ADGRL3: variants seen among roughly 807,000 people sequenced by gnomAD.
ADGRL3 encodes calcium-independent alpha-latrotoxin receptor 3.
ADGRL3 carries 62 observed loss-of-function variants against 153.5 expected under a neutral mutation model. That is an observed-to-expected ratio of 0.40 (90% CI 0.33 to 0.50). The LOEUF (loss-of-function observed/expected upper bound fraction) is 0.50. Among genes scored for constraint, ADGRL3 ranks in the 20% least tolerant of loss-of-function variants. The pLI is 0.47. For missense variants in ADGRL3, 1,641 were observed against 1,859.4 expected, an observed-to-expected ratio of 0.88 and a Z score of 2.16; for synonymous variants, 710 against 672.5, an observed-to-expected ratio of 1.06 and a Z score of -0.86.
At chr4:62,064,857 A>G (rs529960499) in intron 25 of ADGRL3, among the ~76,000 whole-genome samples, 3 of 152,228 alleles carry the variant, frequency 2.0e-5, no homozygotes, top group East Asian at 3.9e-4. Context: ...TTATTTCAGA[A>G]ACACCAAAGT....
intron 2 of ADGRL3, among the ~76,000 whole-genome samples, chr4:61,429,155 C>G (rs1056798943): frequency 6.6e-6 from 1 of 152,054 alleles, no homozygotes; most frequent in Non-Finnish European, 1.5e-5. Context: ...CCAACAATCA[C>G]AGTATTGTTT....
At chr4:61,288,172 C>T (rs2094018140) in intron 1 of ADGRL3, among the ~76,000 whole-genome samples, 1 of 151,842 alleles carries the variant, frequency 6.6e-6, no homozygotes, top group Non-Finnish European at 1.5e-5. Context: ...CATGTTCCTC[C>T]CCTCACTAAA....
chr4:62,029,102 A>T (rs1032831393), intron 22 of ADGRL3, among the ~76,000 whole-genome samples: 3 of 151,694 alleles, frequency 2.0e-5, no homozygotes, highest in Non-Finnish European at 3.0e-5. Flanking sequence ...TGTTAATTGG[A>T]TATCACCTGA....
chr4:61,686,678 T>C (rs1298569336), intron 6 of ADGRL3, among the ~76,000 whole-genome samples: 2 of 152,072 alleles, frequency 1.3e-5, no homozygotes, highest in African/African-American at 4.8e-5. Flanking sequence ...TTCTGAAATA[T>C]ATAACATGTT....
chr4:61,454,855 A>G (rs764790332), intron 2 of ADGRL3, among the ~76,000 whole-genome samples: 1 of 152,114 alleles, frequency 6.6e-6, no homozygotes, highest in African/African-American at 2.4e-5. Context: ...AGAGTAGTGT[A>G]TGTCTTTGGA....
At chr4:61,983,301 A>G in intron 18 of ADGRL3, 82 bp from the exon 19 acceptor site, 1 of 1,037,146 alleles carries the variant, frequency 9.6e-7, no homozygotes, top group Non-Finnish European at 1.4e-6. Context: ...CAGTTTTGGT[A>G]AATATTTAAT....
chr4:61,605,082 T>C, intron 5 of ADGRL3, among the ~76,000 whole-genome samples: 1 of 83,108 alleles, frequency 1.2e-5, no homozygotes. Flanking sequence ...AGAGTGAGAC[T>C]CTGTCTCAAA....
chr4:61,642,645 A>G (rs1343012760), intron 5 of ADGRL3, among the ~76,000 whole-genome samples: 9 of 152,140 alleles, frequency 5.9e-5, no homozygotes, highest in African/African-American at 2.4e-5. Flanking sequence ...CCATTGATCT[A>G]TATCTCTATT....
intron 1 of ADGRL3, among the ~76,000 whole-genome samples, chr4:61,337,868 T>G (rs887284538): frequency 3.9e-5 from 6 of 152,140 alleles, no homozygotes; most frequent in Non-Finnish European, 7.4e-5. Context: ...TGTATACTCT[T>G]AAACACATAC....
At chr4:61,584,777 A>C (rs2098939748) in intron 4 of ADGRL3, among the ~76,000 whole-genome samples, 1 of 151,998 alleles carries the variant, frequency 6.6e-6, no homozygotes, top group African/African-American at 2.4e-5. Flanking sequence ...TGAAAACAAA[A>C]ACAAAATCAC....
chr4:61,466,944 C>A (rs761743062), intron 2 of ADGRL3, among the ~76,000 whole-genome samples: 2 of 151,814 alleles, frequency 1.3e-5, no homozygotes, highest in East Asian at 3.9e-4. Flanking sequence ...AAATATGCTA[C>A]AAGTATTTAG....
chr4:61,587,168 T>C, intron 4 of ADGRL3, 59 bp from the exon 5 acceptor site: 1 of 1,139,730 alleles, frequency 8.8e-7, no homozygotes, highest in Non-Finnish European at 1.3e-6. Context: ...CGAACACATG[T>C]AATTTTCCTT....
chr4:61,875,655 T>A (rs2098470634), intron 9 of ADGRL3, among the ~76,000 whole-genome samples: 1 of 152,250 alleles, frequency 6.6e-6, no homozygotes, highest in Non-Finnish European at 1.5e-5. Context: ...TTAAGCAAGG[T>A]GATACAAATA....
intron 1 of ADGRL3, among the ~76,000 whole-genome samples, chr4:61,375,407 T>C (rs921089306): frequency 1.3e-5 from 2 of 152,140 alleles, no homozygotes; most frequent in Non-Finnish European, 2.9e-5. Flanking sequence ...TTTAAATTTC[T>C]TGCTCAAATT....
intron 9 of ADGRL3, among the ~76,000 whole-genome samples, chr4:61,860,312 G>T (rs548392232): frequency 6.6e-6 from 1 of 151,952 alleles, no homozygotes; most frequent in South Asian, 2.1e-4. Flanking sequence ...ATCCCCTCAC[G>T]TCTTTTTTGG....
At chr4:61,800,096 GATTAAAGTTA>G (rs751760001) in intron 8 of ADGRL3, among the ~76,000 whole-genome samples, 129 of 152,148 alleles carry the variant, frequency 8.5e-4, no homozygotes, top group Non-Finnish European at 1.1e-3. Context: ...ATGTGACTTT[GATTAAAGTTA>G]ATTAAAGTTA....
At chr4:61,346,841 T>C (rs575342519) in intron 1 of ADGRL3, among the ~76,000 whole-genome samples, 1 of 151,242 alleles carries the variant, frequency 6.6e-6, no homozygotes, top group Admixed American at 6.6e-5. Context: ...ATTAATATTA[T>C]CCTGAATAAG....
intron 1 of ADGRL3, among the ~76,000 whole-genome samples, chr4:61,243,405 T>C (rs1052885563): frequency 2.6e-5 from 4 of 152,152 alleles, no homozygotes; most frequent in African/African-American, 9.6e-5. Flanking sequence ...AATTGAAGAA[T>C]ATAGACATCA....
At chr4:61,396,962 ATT>A (rs2096875304) in intron 2 of ADGRL3, among the ~76,000 whole-genome samples, 1 of 151,032 alleles carries the variant, frequency 6.6e-6, no homozygotes, top group African/African-American at 2.4e-5. Flanking sequence ...TATTATTATT[ATT>A]ATTATTATTC....
Sources: gnomAD v4.1 joint callset for allele counts (sites outside exome capture counted in the v4.1 genomes callset) on GRCh38, gnomAD v4.1.1 for gene constraint, MANE v1.5 for transcripts, NCBI Gene and HGNC (gene_info 2026-07-23, HGNC 2026-07-21) for gene names.